Variants in MICU2 observed in about 807,000 individuals in gnomAD.
MICU2 encodes the protein mitochondrial calcium uptake 2.
Under a neutral mutation model 60.4 loss-of-function variants are expected in MICU2, and 64 were observed. That is an observed-to-expected ratio of 1.06 (90% CI 0.87 to 1.31). The LOEUF (loss-of-function observed/expected upper bound fraction) is 1.31, where lower values mean the gene tolerates loss of function less well. Among genes scored for constraint, MICU2 ranks in the 50% most tolerant of loss-of-function variants. MICU2 has a pLI of 0.00. For synonymous variants in MICU2, 201 were observed against 175.0 expected, an observed-to-expected ratio of 1.15 and a Z score of -1.17; for missense variants, 569 against 531.0, an observed-to-expected ratio of 1.07 and a Z score of -0.70.
At chr13:21,551,684 A>G (rs1258827729) in intron 2 of MICU2, among the ~76,000 whole-genome samples, 2 of 146,242 alleles carry the variant, frequency 1.4e-5, no homozygotes, top group South Asian at 2.1e-4. Flanking sequence ...GAGAACATGC[A>G]GTGTTTGGTT....
intron 2 of MICU2, among the ~76,000 whole-genome samples, chr13:21,552,140 A>G (rs373594656): frequency 6.6e-6 from 1 of 152,094 alleles, no homozygotes; most frequent in Non-Finnish European, 1.5e-5. Context: ...CTGGTGTGAG[A>G]TGGTATCTCA....
intron 1 of MICU2, among the ~76,000 whole-genome samples, chr13:21,590,132 G>A (rs536934268): frequency 6.6e-6 from 1 of 152,170 alleles, no homozygotes; most frequent in East Asian, 1.9e-4. Context: ...CCAACCCCAA[G>A]ACACATAATC....
chr13:21,518,711 T>TA (rs1177122410), intron 6 of MICU2, among the ~76,000 whole-genome samples: 5 of 152,204 alleles, frequency 3.3e-5, no homozygotes, highest in Admixed American at 6.5e-5. Flanking sequence ...ATATGAATAA[T>TA]AATAGTTTTA....
chr13:21,584,041 T>G (rs118133181), intron 1 of MICU2, among the ~76,000 whole-genome samples: 1,867 of 152,342 alleles, frequency 0.012, 15 homozygotes, highest in Non-Finnish European at 0.019. Flanking sequence ...TGGAACAGTT[T>G]GTAGAAACAC....
At chr13:21,539,619 C>G (rs535705208) in intron 3 of MICU2, 38 bp downstream of exon 3, 1 of 1,613,548 alleles carries the variant, frequency 6.2e-7, no homozygotes, top group African/African-American at 1.3e-5. Flanking sequence ...TTCTATCTTA[C>G]CAAAAACAAA....
chr13:21,573,611 T>A (rs905453670), intron 1 of MICU2, among the ~76,000 whole-genome samples: 3 of 152,082 alleles, frequency 2.0e-5, no homozygotes, highest in Non-Finnish European at 4.4e-5. Context: ...GTATGAACAA[T>A]CCTAGAGGAC....
intron 1 of MICU2, chr13:21,603,592 C>A: frequency 2.9e-6 from 1 of 341,192 alleles, no homozygotes; most frequent in Non-Finnish European, 5.4e-6. Context: ...TAGCAAGAGG[C>A]GAGGCGCAGT....
At chr13:21,509,609 T>A (rs1886375664) in intron 8 of MICU2, among the ~76,000 whole-genome samples, 1 of 152,146 alleles carries the variant, frequency 6.6e-6, no homozygotes, top group Non-Finnish European at 1.5e-5. Flanking sequence ...GATCAGCCAA[T>A]CCTGTTCCAA....
intron 2 of MICU2, among the ~76,000 whole-genome samples, chr13:21,562,179 C>CATGTGT (rs1887862719): frequency 6.6e-6 from 1 of 152,008 alleles, no homozygotes; most frequent in Non-Finnish European, 1.5e-5. Context: ...CATACATGTG[C>CATGTGT]ATGTGTCTTT....
chr13:21,602,667 A>G (rs771410598), intron 1 of MICU2: 2 of 152,214 alleles, frequency 1.3e-5, no homozygotes, highest in African/African-American at 4.8e-5. Context: ...TTTCCATTAT[A>G]TATGTTTACA....
At chr13:21,508,125 TTTC>T (rs1886335739) in intron 8 of MICU2, among the ~76,000 whole-genome samples, 1 of 148,522 alleles carries the variant, frequency 6.7e-6, no homozygotes, top group Non-Finnish European at 1.5e-5. Context: ...AAGGCTCTTC[TTTC>T]TTTTTTTTTT....
In MICU2 at chr13:21,521,098, A is replaced by C. The variant is rs904349265; in HGVS notation, c.597+147T>G. 9.0e-5 allele frequency: 62 copies of C among 689,806 alleles called. 1 individual carries two copies. The South Asian group carries it at 1.1e-3, about 12-fold the overall frequency. 42.7% of individuals were successfully genotyped at this position (689,806 alleles called of 1,614,324 possible). ...GTGTCCTTATGGTTGTATTATAGAA[A>C]ATTTAATATTTTTGAATGTCCAAAT... On this transcript the variant is annotated intron_variant, in intron 6 of 11. Transcript: ENST00000382374.
intron 1 of MICU2, among the ~76,000 whole-genome samples, chr13:21,584,080 T>C (rs1888406568): frequency 6.6e-6 from 1 of 152,236 alleles, no homozygotes; most frequent in South Asian, 2.1e-4. Context: ...AGGGTTCATT[T>C]TGCCTAATTT....
intron 7 of MICU2, among the ~76,000 whole-genome samples, chr13:21,511,949 A>AT (rs1373397647): frequency 6.6e-6 from 1 of 152,160 alleles, no homozygotes; most frequent in East Asian, 1.9e-4. Context: ...TCAACAAAAG[A>AT]TATCTAGATT....
In MICU2 at chr13:21,493,294, T is replaced by A. The variant is rs774525541; in HGVS notation, c.1260A>T (p.Lys420Asn). Residue 420 changes from lysine (K) to asparagine (N), a missense_variant, in exon 12 of 12, where the codon AAA becomes AAT. Transcript: ENST00000382374. Reference protein sequence around the residue: ...YWKCVKKESIKGVKEVWKQAG... With the variant: ...YWKCVKKESINGVKEVWKQAG... ...CTTGTTTCCAGACTTCTTTTACTCC[T>A]TTAATGCTTTCTTTCTTCACACACT... The A allele has an allele frequency of 2.5e-6, 4 of 1,611,564 alleles. No homozygotes were observed. Among genetic ancestry groups the A allele is most frequent in the Non-Finnish European group, 3.4e-6 (4 of 1,179,082 alleles).
At chr13:21,537,722 C>A (rs149572904) in intron 4 of MICU2, among the ~76,000 whole-genome samples, 14 of 152,206 alleles carry the variant, frequency 9.2e-5, no homozygotes, top group African/African-American at 2.9e-4. Flanking sequence ...CGGGCTGCCT[C>A]GGCCTCAATG....
At chr13:21,497,562 T>C (rs1294778249) in intron 9 of MICU2, among the ~76,000 whole-genome samples, 1 of 151,648 alleles carries the variant, frequency 6.6e-6, no homozygotes, top group Non-Finnish European at 1.5e-5. Context: ...ATACAAAAAT[T>C]AGCCAGGCAC....
At chr13:21,514,021 A>T (rs948468431) in intron 7 of MICU2, among the ~76,000 whole-genome samples, 5 of 152,148 alleles carry the variant, frequency 3.3e-5, no homozygotes, top group Non-Finnish European at 5.9e-5. Context: ...GAAGTTAGGA[A>T]CATGTAAATA....
At chr13:21,588,429 T>C (rs909824985) in intron 1 of MICU2, among the ~76,000 whole-genome samples, 1 of 152,174 alleles carries the variant, frequency 6.6e-6, no homozygotes, top group African/African-American at 2.4e-5. Context: ...TAATAAGTCA[T>C]CCCAAGCTCT....
Sources: gnomAD v4.1 joint callset for allele counts (sites outside exome capture counted in the v4.1 genomes callset) on GRCh38, gnomAD v4.1.1 for gene constraint, MANE v1.5 for transcripts, NCBI Gene and HGNC (gene_info 2026-07-23, HGNC 2026-07-21) for gene names.